ZBED6: variants seen among roughly 807,000 people sequenced by gnomAD.
The protein encoded by ZBED6 is zinc finger BED domain-containing protein 6.
ZBED6 carries 40 observed loss-of-function variants against 58.4 expected under a neutral mutation model. The observed-to-expected ratio is 0.68, with a 90% CI of 0.53 to 0.89. ZBED6 has a LOEUF of 0.89. Among genes scored for constraint, ZBED6 ranks in the 40% least tolerant of loss-of-function variants. The pLI, the probability that ZBED6 is intolerant of heterozygous loss-of-function variation, is 0.00. For synonymous variants in ZBED6, 439 were observed against 350.6 expected, an observed-to-expected ratio of 1.25 and a Z score of -2.82; for missense variants, 1,057 against 1,003.9, an observed-to-expected ratio of 1.05 and a Z score of -0.71.
intron 3 of ZBED6, among the ~76,000 whole-genome samples, chr1:203,827,656 T>A (rs532282259): frequency 1.2e-4 from 18 of 149,754 alleles, no homozygotes; most frequent in Middle Eastern, 3.5e-3. Context: ...CACTCCAGCC[T>A]GGGTGACAGA....
intron 1 of ZBED6, among the ~76,000 whole-genome samples, chr1:203,809,612 A>G (rs1230033444): frequency 1.3e-5 from 2 of 151,878 alleles, no homozygotes; most frequent in African/African-American, 4.8e-5. Flanking sequence ...GAAAGGTCCC[A>G]TTATTTTTCT....
rs569389488 is a variant in ZBED6 at position 203,817,892 on chromosome 1, T to C, written c.*2754-678T>C. On this transcript the variant is annotated intron_variant, in intron 2 of 16. Coordinates refer to ENST00000550078, the Ensembl canonical transcript of ZBED6. ...CTCAGCCTCCCAAGTAGCTGGGATT[T>C]CTGGCGCCTGCCACCACACCCAGCT... Among the ~76,000 whole-genome samples the C allele has an allele frequency of 2.0e-5, 3 of 151,994 alleles. No individual in the cohort carries two copies. In the South Asian group the frequency reaches 6.3e-4, roughly 32 times the overall value.
chr1:203,812,684 C>T (rs983572694), intron 1 of ZBED6, among the ~76,000 whole-genome samples: 6 of 144,962 alleles, frequency 4.1e-5, no homozygotes, highest in South Asian at 2.2e-4. Flanking sequence ...TAGGTTCAAA[C>T]GATTCTCCTG....
rs991871020 is a variant in ZBED6 at position 203,820,484 on chromosome 1, A to G, written c.*2873+1795A>G. Among the ~76,000 whole-genome samples, 301 of 96,260 alleles carry G rather than the reference A, an allele frequency of 3.1e-3. 1 individual carries two copies. The highest frequency in any genetic ancestry group is 7.0e-3 in the African/African-American group (212 of 30,390). The allele number at this position is 96,260 out of a possible 152,430, so 63.2% of individuals were successfully genotyped here. ...TCACAAATTATGTGTGTGTGTGTGT[A>G]TATTTTGAGTTGAGACAGAGTCTCG... On this transcript the variant is annotated intron_variant, in intron 3 of 16. Coordinates refer to ENST00000550078, the Ensembl canonical transcript of ZBED6.
At chr1:203,834,014 T>C in intron 9 of ZBED6, 161 bp downstream of exon 9, 1 of 1,293,608 alleles carries the variant, frequency 7.7e-7, no homozygotes, top group Non-Finnish European at 9.8e-7. Flanking sequence ...ATTATACCTT[T>C]TATTGAAGAT....
At chr1:203,819,442 G>A (rs1190169277) in intron 3 of ZBED6, among the ~76,000 whole-genome samples, 5 of 150,486 alleles carry the variant, frequency 3.3e-5, no homozygotes, top group Admixed American at 2.0e-4. Context: ...GGCTGGGCTC[G>A]AACTCCTGAC....
chr1:203,848,558 G>A (rs1451512174), intron 13 of ZBED6, 151 bp downstream of exon 13: 4 of 643,152 alleles, frequency 6.2e-6, no homozygotes, highest in Non-Finnish European at 1.0e-5. Context: ...AGAATTTCCT[G>A]TAGTTCTATG....
intron 9 of ZBED6, among the ~76,000 whole-genome samples, chr1:203,834,543 A>G (rs745964320): frequency 3.0e-4 from 46 of 152,266 alleles, no homozygotes; most frequent in Middle Eastern, 3.4e-3. Flanking sequence ...AAGTACTGCA[A>G]TTACAGGCAT....
In ZBED6 at chr1:203,822,043, C is replaced by CACCG. The variant is rs533499019; in HGVS notation, c.*2873+3355_*2873+3358dup. Among the ~76,000 whole-genome samples the CACCG allele has an allele frequency of 3.2e-3, 480 of 152,232 alleles. 11 individuals carry two copies. The highest frequency in any genetic ancestry group is 5.8e-4 in the East Asian group (3 of 5,184). ...AAGTCCTGGGATTACAGGTGTGAGC[C>CACCG]ACCGTGCCTGGCCCTATGTATTTAA... On this transcript the variant is annotated intron_variant, in intron 3 of 16. Coordinates refer to ENST00000550078, the Ensembl canonical transcript of ZBED6.
intron 3 of ZBED6, among the ~76,000 whole-genome samples, chr1:203,820,419 CT>C (rs769034183): frequency 4.0e-5 from 6 of 150,890 alleles, no homozygotes; most frequent in Non-Finnish European, 7.4e-5. Flanking sequence ...TGTATTCCCC[CT>C]CATTACTAAA....
chr1:203,847,181 C>G lies in ZBED6; in HGVS notation c.*3742-3C>G. Reference sequence around the variant, plus strand: ...ATGACATGTTTTTCTCCTGTGAAAACAGATAAAGTTAATAAAGTTGGTGAG... The same window carrying G: ...ATGACATGTTTTTCTCCTGTGAAAAGAGATAAAGTTAATAAAGTTGGTGAG... On this transcript the variant is annotated splice_region_variant and splice_polypyrimidine_tract_variant and intron_variant, in intron 11 of 16. Coordinates refer to ENST00000550078, the Ensembl canonical transcript of ZBED6. 6.2e-7 allele frequency: 1 copy of G among 1,611,730 alleles called. No homozygotes were observed. The highest frequency in any genetic ancestry group is 8.5e-7 in the Non-Finnish European group (1 of 1,179,410).
At chr1:203,797,687 G>T (rs1669035038) in exon 1 of ZBED6, 3 of 1,535,700 alleles carry the variant, frequency 2.0e-6, no homozygotes, top group Non-Finnish European at 2.6e-6. Context: ...TGAATAAAGA[G>T]GCAAAACAGC....
At chr1:203,843,539 G>A (rs892776746) in intron 11 of ZBED6, among the ~76,000 whole-genome samples, 9 of 152,070 alleles carry the variant, frequency 5.9e-5, no homozygotes, top group African/African-American at 2.2e-4. Context: ...GTAAAGGGTC[G>A]GATATAAATA....
exon 1 of ZBED6, chr1:203,796,542 G>T (rs1353832569): frequency 2.5e-6 from 1 of 398,694 alleles, no homozygotes; most frequent in Non-Finnish European, 4.4e-6. Context: ...CATCTTCCAG[G>T]CCTTGGTTCT....
chr1:203,834,183 GT>G, intron 9 of ZBED6: 2 of 621,642 alleles, frequency 3.2e-6, no homozygotes, highest in Non-Finnish European at 4.1e-6. Context: ...AATATAATGT[GT>G]GTCTCTTAGA....
intron 3 of ZBED6, 125 bp from the exon 4 acceptor site, chr1:203,828,174 A>G: frequency 1.9e-6 from 2 of 1,077,010 alleles, no homozygotes; most frequent in Non-Finnish European, 2.7e-6. Flanking sequence ...TCCTTCTAAA[A>G]ATCATCTCAT....
chr1:203,810,608 A>G (rs1290724411), intron 1 of ZBED6, among the ~76,000 whole-genome samples: 1 of 151,608 alleles, frequency 6.6e-6, no homozygotes, highest in Non-Finnish European at 1.5e-5. Flanking sequence ...TTTAGTAGAG[A>G]TGGGGTTTCA....
exon 16 of ZBED6, chr1:203,851,120 G>T: frequency 1.2e-6 from 2 of 1,614,130 alleles, no homozygotes; most frequent in African/African-American, 1.3e-5. Flanking sequence ...AAATCCTAGA[G>T]ACAGGTAATA....
At chr1:203,815,558 T>G (rs1407797035) in intron 1 of ZBED6, among the ~76,000 whole-genome samples, 2 of 152,076 alleles carry the variant, frequency 1.3e-5, no homozygotes, top group Middle Eastern at 3.2e-3. Flanking sequence ...ACATTTATTG[T>G]GCATTGTTAC....
Sources: allele counts gnomAD v4.1 joint callset (sites outside exome capture counted in the v4.1 genomes callset), GRCh38; gene constraint gnomAD v4.1.1; transcripts MANE v1.5; gene names NCBI Gene and HGNC (gene_info 2026-07-23, HGNC 2026-07-21).